Variants in COBL observed in about 807,000 individuals in gnomAD.
COBL encodes protein cordon-bleu.
COBL carries 51 observed loss-of-function variants against 98.8 expected under a neutral mutation model. The observed-to-expected ratio is 0.52, with a 90% confidence interval of 0.41 to 0.65. COBL has a LOEUF of 0.65. Ranked by LOEUF, COBL falls within the 30% of genes least tolerant of loss-of-function variation. COBL has a pLI of 0.00. For missense variants in COBL, 1,617 were observed against 1,617.5 expected, an observed-to-expected ratio of 1.00 and a Z score of 0.01; for synonymous variants, 634 against 651.7, an observed-to-expected ratio of 0.97 and a Z score of 0.41.
intron 1 of COBL, among the ~76,000 whole-genome samples, chr7:51,253,588 G>A (rs1796937619): frequency 6.6e-6 from 1 of 152,214 alleles, no homozygotes; most frequent in African/African-American, 2.4e-5. Context: ...AGGAGAGTGA[G>A]AGAATTCACA....
At chr7:51,043,258 G>A (rs1789378442) in intron 8 of COBL, 125 bp downstream of exon 8, 10 of 819,918 alleles carry the variant, frequency 1.2e-5, no homozygotes. Context: ...CTGTGAATCA[G>A]GGTCGGGGCC....
chr7:51,146,767 G>A (rs1785072884), intron 5 of COBL, among the ~76,000 whole-genome samples: 1 of 152,136 alleles, frequency 6.6e-6, no homozygotes, highest in Non-Finnish European at 1.5e-5. Flanking sequence ...TGCAGAGGGG[G>A]AGTCGCAAGG....
chr7:51,187,331 TACACACACACACAC>T (rs1303777271), intron 4 of COBL, among the ~76,000 whole-genome samples: 1 of 101,424 alleles, frequency 9.9e-6, no homozygotes, highest in African/African-American at 3.5e-5. Flanking sequence ...TATATATATA[TACACACACACACAC>T]ACACACACAC....
chr7:51,089,218 C>A (rs1481836249), intron 6 of COBL, among the ~76,000 whole-genome samples: 1 of 152,090 alleles, frequency 6.6e-6, no homozygotes, highest in East Asian at 1.9e-4. Context: ...TTATCACAAT[C>A]TAAATACACC....
At chr7:51,238,778 G>C (rs1017423741) in intron 1 of COBL, among the ~76,000 whole-genome samples, 1 of 152,022 alleles carries the variant, frequency 6.6e-6, no homozygotes, top group African/African-American at 2.4e-5. Context: ...CCTGACTGCT[G>C]TCTCCTCTGC....
At chr7:51,310,856 C>G (rs1802959546) in intron 1 of COBL, among the ~76,000 whole-genome samples, 1 of 152,126 alleles carries the variant, frequency 6.6e-6, no homozygotes, top group African/African-American at 2.4e-5. Flanking sequence ...TGGGGTTTCA[C>G]CATCTTGGCC....
intron 1 of COBL, 87 bp from the exon 2 acceptor site, chr7:51,220,031 T>C: frequency 1.5e-6 from 2 of 1,297,496 alleles, no homozygotes; most frequent in South Asian, 3.0e-5. Context: ...TACTCAGGTC[T>C]GTCTTCAGGA....
intron 5 of COBL, among the ~76,000 whole-genome samples, chr7:51,136,564 G>A (rs1799257620): frequency 6.6e-6 from 1 of 152,138 alleles, no homozygotes; most frequent in South Asian, 2.1e-4. Flanking sequence ...AATCATGAAG[G>A]CCATGGCAGA....
At position 51,025,091 on chromosome 7, in the gene COBL, A is replaced by G. The variant is rs1416008774; in HGVS notation, c.3768+18T>C. The G allele has an allele frequency of 6.2e-7, 1 of 1,611,766 alleles. No homozygotes were observed. The highest frequency in any genetic ancestry group is 1.3e-5 in the African/African-American group (1 of 74,832). On this transcript the variant is annotated intron_variant, in intron 12 of 12. Coordinates refer to ENST00000265136, the MANE Select transcript of COBL (RefSeq NM_015198.5). Reference sequence around the variant, plus strand: ...ACCCTCTGGCCCCATTGAAATGCGCACACACAGTCGCCATCACCTTTCTCA... The same window carrying G: ...ACCCTCTGGCCCCATTGAAATGCGCGCACACAGTCGCCATCACCTTTCTCA...
chr7:51,301,320 C>T (rs373973943), intron 1 of COBL, among the ~76,000 whole-genome samples: 5 of 152,200 alleles, frequency 3.3e-5, no homozygotes, highest in South Asian at 2.1e-4. Flanking sequence ...CTTCAACTAC[C>T]GCGCCTGGCA....
At chr7:51,231,972 G>A (rs149677214) in intron 1 of COBL, among the ~76,000 whole-genome samples, 6 of 152,146 alleles carry the variant, frequency 3.9e-5, no homozygotes, top group African/African-American at 7.2e-5. Context: ...TGCCATGGTC[G>A]GACCTGAGTG....
In COBL at chr7:51,238,702, C is replaced by T. The variant is rs537717001; in HGVS notation, c.42-18758G>A. Among the ~76,000 whole-genome samples, 8 of 152,268 alleles carry T rather than the reference C, an allele frequency of 5.3e-5. No individual in the cohort carries two copies. In the South Asian group the frequency reaches 1.0e-3, roughly 20 times the overall value. ...AGGCTTCAGTGCAGGGTGTATCCAG[C>T]AGCCTCCCAGCCCCCACCACAATGC... On this transcript the variant is annotated intron_variant, in intron 1 of 12. Transcript: ENST00000265136.
At chr7:51,233,076 C>T (rs1794918711) in intron 1 of COBL, among the ~76,000 whole-genome samples, 1 of 152,098 alleles carries the variant, frequency 6.6e-6, no homozygotes, top group Non-Finnish European at 1.5e-5. Flanking sequence ...AGCCATTAAG[C>T]ACTTGAATAT....
intron 2 of COBL, among the ~76,000 whole-genome samples, chr7:51,194,858 T>C (rs1243143394): frequency 6.6e-6 from 1 of 152,064 alleles, no homozygotes; most frequent in Admixed American, 6.6e-5. Context: ...AGGTTTTTAA[T>C]GGGTTTTGTT....
chr7:51,135,302 T>C (rs1174433207), intron 6 of COBL, among the ~76,000 whole-genome samples: 1 of 152,212 alleles, frequency 6.6e-6, no homozygotes, highest in Non-Finnish European at 1.5e-5. Flanking sequence ...AAATATTTTC[T>C]TTGAAAATGT....
At chr7:51,205,618 G>C (rs1408867113) in intron 2 of COBL, among the ~76,000 whole-genome samples, 1 of 145,314 alleles carries the variant, frequency 6.9e-6, no homozygotes, top group Non-Finnish European at 1.5e-5. Flanking sequence ...GCAGTTTTTT[G>C]TTTGTTTGTT....
chr7:51,036,584 C>T (rs1048482438), intron 8 of COBL, among the ~76,000 whole-genome samples: 2 of 152,098 alleles, frequency 1.3e-5, no homozygotes, highest in Non-Finnish European at 2.9e-5. Flanking sequence ...CCATAAGGAT[C>T]CTCATAGCCA....
intron 1 of COBL, among the ~76,000 whole-genome samples, chr7:51,249,396 C>T (rs1051997352): frequency 3.3e-5 from 5 of 152,120 alleles, no homozygotes; most frequent in African/African-American, 9.7e-5. Flanking sequence ...GAAAGGTGAG[C>T]GTGAAACCAT....
chr7:51,163,385 A>C (rs942530571), intron 5 of COBL, among the ~76,000 whole-genome samples: 1 of 152,242 alleles, frequency 6.6e-6, no homozygotes, highest in Non-Finnish European at 1.5e-5. Flanking sequence ...TTCTGTGTCT[A>C]TATAAGGAAG....
Sources: allele counts gnomAD v4.1 joint callset (sites outside exome capture counted in the v4.1 genomes callset), GRCh38; gene constraint gnomAD v4.1.1; transcripts MANE v1.5; gene names NCBI Gene and HGNC (gene_info 2026-07-23, HGNC 2026-07-21).